The following OTOGL variants were observed in gnomAD, a reference collection of about 807,000 sequenced individuals.
The protein encoded by OTOGL is otogelin-like protein.
A neutral mutation model predicts 318.5 loss-of-function variants in OTOGL; 285 were observed. The ratio of observed to expected loss-of-function variants is 0.89; its 90% CI spans 0.81 to 0.99. OTOGL has a LOEUF of 0.99. OTOGL is among the 50% of genes least tolerant of loss of function. The pLI is 0.00. For missense variants in OTOGL, 2,899 were observed against 2,845.6 expected (o/e 1.02, Z -0.43); for synonymous variants, 987 against 936.5 (o/e 1.05, Z -0.99).
intron 1 of OTOGL, among the ~76,000 whole-genome samples, chr12:80,185,487 C>T (rs1565892137): frequency 6.6e-6 from 1 of 152,048 alleles, no homozygotes; most frequent in Non-Finnish European, 1.5e-5. Context: ...CAGGGTTTTG[C>T]CATGTTGGCC....
At chr12:80,294,353 T>C (rs965435328) in intron 26 of OTOGL, among the ~76,000 whole-genome samples, 1 of 152,068 alleles carries the variant, frequency 6.6e-6, no homozygotes, top group African/African-American at 2.4e-5. Flanking sequence ...TTTTAATTAA[T>C]AGCAATAAAA....
At chr12:80,130,872 T>C (rs1486087776) in intron 1 of OTOGL, 4 of 152,222 alleles carry the variant, frequency 2.6e-5, no homozygotes, top group Non-Finnish European at 4.4e-5. Flanking sequence ...CTTTCATGAG[T>C]TCAACCTTTC....
chr12:80,135,272 CCCCTCCCCTTCCCTT>C (rs1444050578), intron 1 of OTOGL, among the ~76,000 whole-genome samples: 3 of 124,348 alleles, frequency 2.4e-5, no homozygotes, highest in Non-Finnish European at 5.2e-5. Flanking sequence ...CCCCTCCCCT[CCCCTCCCCTTCCCTT>C]CCCTTGATGG....
At position 80,271,856 on chromosome 12, in the gene OTOGL, A is replaced by G. The variant is rs1014970361; in HGVS notation, c.2681+46A>G. Reference sequence around the variant, plus strand: ...ACAGAACATTCAGGATTTGCCTGAAAGCACAATATCTCCTGAAAACATTCT... The same window carrying G: ...ACAGAACATTCAGGATTTGCCTGAAGGCACAATATCTCCTGAAAACATTCT... On this transcript the variant is annotated intron_variant, in intron 24 of 58. Coordinates refer to ENST00000547103, the MANE Select transcript of OTOGL (RefSeq NM_001378609.3). 3.2e-6 allele frequency: 5 copies of G among 1,551,886 alleles called. No individual in the cohort carries two copies. The Admixed American group carries it at 9.0e-5, about 28-fold the overall frequency.
chr12:80,187,477 G>A (rs1234831166), intron 1 of OTOGL, among the ~76,000 whole-genome samples: 1 of 152,058 alleles, frequency 6.6e-6, no homozygotes, highest in Non-Finnish European at 1.5e-5. Flanking sequence ...AGGATGAGAG[G>A]TGCACAGAAA....
intron 15 of OTOGL, 110 bp from the exon 16 acceptor site, chr12:80,254,930 C>A: frequency 2.1e-6 from 2 of 936,488 alleles, no homozygotes; most frequent in South Asian, 3.1e-5. Context: ...ATTATTTACC[C>A]TAAGTTGATC....
chr12:80,316,798 G>C (rs1309736361), intron 32 of OTOGL, among the ~76,000 whole-genome samples: 4 of 152,062 alleles, frequency 2.6e-5, no homozygotes, highest in Non-Finnish European at 5.9e-5. Context: ...AATTCTAAAT[G>C]GTTATTCTTA....
chr12:80,260,088 C>T lies in OTOGL; in HGVS notation c.1890-1881C>T, dbSNP rs1032868073. On this transcript the variant is annotated intron_variant, in intron 18 of 58. Coordinates refer to ENST00000547103, the MANE Select transcript of OTOGL (RefSeq NM_001378609.3). ...TCCTTGGTCTTTGTATTCTTAGGAACTAGCATAGAACCTCACATATAGTGG... is the reference window on the plus strand; with the variant it reads ...TCCTTGGTCTTTGTATTCTTAGGAATTAGCATAGAACCTCACATATAGTGG... Among the ~76,000 whole-genome samples, 5 of 152,116 alleles carry T rather than the reference C, an allele frequency of 3.3e-5. No homozygotes were observed. The East Asian group carries it at 7.7e-4, about 24-fold the overall frequency.
intron 7 of OTOGL, among the ~76,000 whole-genome samples, chr12:80,222,880 C>A (rs1345941299): frequency 6.6e-6 from 1 of 152,130 alleles, no homozygotes. Flanking sequence ...TAAGGTGATG[C>A]AAATATTAAA....
chr12:80,250,468 G>A (rs577412856), intron 11 of OTOGL, among the ~76,000 whole-genome samples: 1 of 152,034 alleles, frequency 6.6e-6, no homozygotes. Context: ...TAAAACCACC[G>A]TTAATGTAGG....
chr12:80,142,235 T>C (rs1871994122), intron 1 of OTOGL, among the ~76,000 whole-genome samples: 1 of 152,122 alleles, frequency 6.6e-6, no homozygotes, highest in Non-Finnish European at 1.5e-5. Flanking sequence ...TAAAATTACT[T>C]TTAGTAATAT....
At chr12:80,254,959 C>T in intron 15 of OTOGL, 81 bp from the exon 16 acceptor site, 1 of 1,169,370 alleles carries the variant, frequency 8.6e-7, no homozygotes, top group Non-Finnish European at 1.1e-6. Context: ...AAGGATTAAC[C>T]TAATGGTATC....
intron 38 of OTOGL, among the ~76,000 whole-genome samples, chr12:80,335,751 A>T (rs562665080): frequency 6.6e-6 from 1 of 152,264 alleles, no homozygotes; most frequent in East Asian, 1.9e-4. Context: ...ATGTCCAATC[A>T]ATATTAAGTT....
At chr12:80,324,593 A>G (rs906454274) in intron 35 of OTOGL, among the ~76,000 whole-genome samples, 1 of 152,164 alleles carries the variant, frequency 6.6e-6, no homozygotes, top group African/African-American at 2.4e-5. Context: ...TAAAAGGTGT[A>G]CTTTGCCTGT....
intron 1 of OTOGL, among the ~76,000 whole-genome samples, chr12:80,118,324 G>A (rs897204173): frequency 1.3e-5 from 2 of 152,184 alleles, no homozygotes; most frequent in African/African-American, 4.8e-5. Context: ...CGGCTGTGAA[G>A]CGTGCCTGAG....
chr12:80,340,992 G>A (rs1888734237), intron 43 of OTOGL, among the ~76,000 whole-genome samples: 1 of 145,892 alleles, frequency 6.9e-6, no homozygotes, highest in Non-Finnish European at 1.5e-5. Context: ...TATTTACAAA[G>A]GTGAGGCATT....
chr12:80,174,085 G>A (rs1592518280), intron 1 of OTOGL, among the ~76,000 whole-genome samples: 1 of 152,280 alleles, frequency 6.6e-6, no homozygotes, highest in South Asian at 2.1e-4. Flanking sequence ...AAACAAATTA[G>A]AAGGCTTTCC....
At chr12:80,124,965 A>C (rs1870724984) in intron 1 of OTOGL, among the ~76,000 whole-genome samples, 1 of 152,216 alleles carries the variant, frequency 6.6e-6, no homozygotes, top group Non-Finnish European at 1.5e-5. Flanking sequence ...TTCTAGATAC[A>C]CAATCATGTC....
At chr12:80,225,865 A>G (rs577661581) in intron 7 of OTOGL, among the ~76,000 whole-genome samples, 2 of 152,208 alleles carry the variant, frequency 1.3e-5, no homozygotes, top group African/African-American at 4.8e-5. Context: ...ATCCTTATCT[A>G]TACCCCCGAC....
Sources: allele counts gnomAD v4.1 joint callset (sites outside exome capture counted in the v4.1 genomes callset), GRCh38; gene constraint gnomAD v4.1.1; transcripts MANE v1.5; gene names NCBI Gene and HGNC (gene_info 2026-07-23, HGNC 2026-07-21).